Variants in KCNJ6 observed in about 807,000 individuals in gnomAD.
KCNJ6 encodes the protein G protein-activated inward rectifier potassium channel 2.
A neutral mutation model predicts 34.2 loss-of-function variants in KCNJ6; 9 were observed. That is an observed-to-expected ratio of 0.26 (90% CI 0.16 to 0.46). The LOEUF (loss-of-function observed/expected upper bound fraction) is 0.46, where lower values mean the gene tolerates loss of function less well. Ranked by LOEUF, KCNJ6 falls within the 20% of genes least tolerant of loss-of-function variation. The pLI is 1.00. For missense variants in KCNJ6, 236 were observed against 531.3 expected (o/e 0.44, Z 5.46); for synonymous variants, 196 against 207.1 (o/e 0.95, Z 0.46).
chr21:37,707,735 G>GTGTGTGTGTATATGTGTGTGC (rs1267356647), intron 3 of KCNJ6, among the ~76,000 whole-genome samples: 1 of 149,680 alleles, frequency 6.7e-6, no homozygotes, highest in African/African-American at 2.5e-5. Context: ...GTGTGTGTGT[G>GTGTGTGTGTATATGTGTGTGC]AATAATTTAC....
At chr21:37,814,896 C>CAAAAAA (rs3061049) in intron 2 of KCNJ6, among the ~76,000 whole-genome samples, 5 of 69,156 alleles carry the variant, frequency 7.2e-5, no homozygotes, top group African/African-American at 2.1e-4. Flanking sequence ...GACTCTGTCT[C>CAAAAAA]AAAAAAAAAA....
chr21:37,732,155 A>G (rs146110917), intron 2 of KCNJ6, among the ~76,000 whole-genome samples: 2 of 151,304 alleles, frequency 1.3e-5, no homozygotes, highest in African/African-American at 4.8e-5. Context: ...CAAGAACAAG[A>G]TCTCCCAGGG....
At chr21:37,738,886 A>T (rs1179758315) in intron 2 of KCNJ6, among the ~76,000 whole-genome samples, 3 of 152,228 alleles carry the variant, frequency 2.0e-5, no homozygotes, top group Non-Finnish European at 4.4e-5. Flanking sequence ...AAACAAAAAC[A>T]TCCTCTTTAA....
intron 3 of KCNJ6, among the ~76,000 whole-genome samples, chr21:37,633,758 C>T (rs892308843): frequency 6.6e-6 from 1 of 151,964 alleles, no homozygotes; most frequent in Admixed American, 6.6e-5. Context: ...AAATATAAAA[C>T]CTTTATGACA....
intron 3 of KCNJ6, among the ~76,000 whole-genome samples, chr21:37,664,047 T>C (rs1709817): frequency 3.9e-5 from 6 of 151,976 alleles, no homozygotes; most frequent in Admixed American, 3.3e-4. Context: ...AATTAAGAAG[T>C]CAGTAGCAAA....
chr21:37,898,603 A>T (rs928930554), intron 1 of KCNJ6, among the ~76,000 whole-genome samples: 2 of 151,252 alleles, frequency 1.3e-5, no homozygotes, highest in African/African-American at 2.4e-5. Flanking sequence ...AAAAAAAAAG[A>T]AAAAAAGAAA....
At chr21:37,720,422 G>C (rs1355365369) in intron 2 of KCNJ6, among the ~76,000 whole-genome samples, 1 of 152,160 alleles carries the variant, frequency 6.6e-6, no homozygotes, top group Non-Finnish European at 1.5e-5. Context: ...GAGAATGTAT[G>C]CAAGTTTGAG....
At chr21:37,903,946 G>A (rs2055829192) in intron 1 of KCNJ6, among the ~76,000 whole-genome samples, 1 of 152,192 alleles carries the variant, frequency 6.6e-6, no homozygotes, top group South Asian at 2.1e-4. Context: ...TATATTGGTA[G>A]AGAGTAACCA....
chr21:37,687,682 G>T (rs1373474111), intron 3 of KCNJ6, among the ~76,000 whole-genome samples: 1 of 151,908 alleles, frequency 6.6e-6, no homozygotes, highest in East Asian at 1.9e-4. Flanking sequence ...TTGCTGCTTT[G>T]GTCTCCTCTG....
In KCNJ6 at chr21:37,752,517, T is replaced by C. The variant is rs199750280; in HGVS notation, c.26-37386A>G. Among the ~76,000 whole-genome samples the C allele has an allele frequency of 6.1e-4, 93 of 151,980 alleles. 2 individuals carry two copies. The East Asian group carries it at 0.017, about 27-fold the overall frequency. On this transcript the variant is annotated intron_variant, in intron 2 of 3. Transcript: ENST00000609713. ...CAGAGGGAAGGCATTAAGCAGAAGC[T>C]TTTAAGGAGAGGGAAAGAGAGGAGA...
chr21:37,802,968 A>T (rs1375407618), intron 2 of KCNJ6, among the ~76,000 whole-genome samples: 4 of 152,058 alleles, frequency 2.6e-5, no homozygotes, highest in Non-Finnish European at 5.9e-5. Context: ...TTTCACTCAG[A>T]TCCTCCACTC....
intron 2 of KCNJ6, among the ~76,000 whole-genome samples, chr21:37,781,428 A>C (rs910335617): frequency 1.3e-5 from 2 of 152,128 alleles, no homozygotes; most frequent in South Asian, 2.1e-4. Context: ...CAGGAATCCT[A>C]GGAAGTGACT....
chr21:37,665,625 C>T (rs1169413170), intron 3 of KCNJ6, among the ~76,000 whole-genome samples: 1 of 152,148 alleles, frequency 6.6e-6, no homozygotes, highest in Non-Finnish European at 1.5e-5. Flanking sequence ...GGTGTGCCAA[C>T]CTTTCCTTCC....
At chr21:37,673,039 A>G (rs1418678050) in intron 3 of KCNJ6, among the ~76,000 whole-genome samples, 1 of 152,268 alleles carries the variant, frequency 6.6e-6, no homozygotes, top group Non-Finnish European at 1.5e-5. Flanking sequence ...TCTCCTTTTT[A>G]CATTATTCTC....
In KCNJ6 at chr21:37,620,490, G is replaced by A. The variant is rs2054286865; in HGVS notation, c.*4669C>T. The A allele has an allele frequency of 1.3e-5, 2 of 151,426 alleles. No individual in the cohort carries two copies. Among genetic ancestry groups the A allele is most frequent in the South Asian group, 4.2e-4 (2 of 4,812 alleles). The allele number at this position is 151,426 out of a possible 1,614,324, so 9.4% of individuals were successfully genotyped here. On this transcript the variant is annotated 3_prime_UTR_variant, in exon 4 of 4. Transcript: ENST00000609713. ...TTTTTTCCCCCAATTATTAAAAAATGTAAAAATTGCTCTTAGCTCACAAGT... is the reference window on the plus strand; with the variant it reads ...TTTTTTCCCCCAATTATTAAAAAATATAAAAATTGCTCTTAGCTCACAAGT...
chr21:37,654,453 T>C (rs1036967461), intron 3 of KCNJ6, among the ~76,000 whole-genome samples: 28 of 152,166 alleles, frequency 1.8e-4, no homozygotes, highest in South Asian at 6.2e-4. Flanking sequence ...CTAATAACTC[T>C]TCCCATATTG....
At chr21:37,673,673 A>T (rs2054551775) in intron 3 of KCNJ6, among the ~76,000 whole-genome samples, 1 of 152,194 alleles carries the variant, frequency 6.6e-6, no homozygotes, top group South Asian at 2.1e-4. Context: ...CAGCAGACAG[A>T]TGGGTATGTT....
chr21:37,612,882 C>T lies in KCNJ6; in HGVS notation c.*12277G>A, dbSNP rs766751123. The T allele has an allele frequency of 6.6e-6, 1 of 151,860 alleles. No homozygotes were observed. Among genetic ancestry groups the T allele is most frequent in the Non-Finnish European group, 1.5e-5 (1 of 67,958 alleles). 9.4% of individuals were successfully genotyped at this position (151,860 alleles called of 1,614,324 possible). On this transcript the variant is annotated 3_prime_UTR_variant, in exon 4 of 4. Coordinates refer to ENST00000609713, the MANE Select transcript of KCNJ6 (RefSeq NM_002240.5). The stretch of plus-strand genomic sequence containing the variant: ...AAAACTTAGATGACCTTGGATATGG[C>T]AATAGATTTTTAGATAGAACACCAA...
intron 3 of KCNJ6, among the ~76,000 whole-genome samples, chr21:37,686,621 T>C (rs902531721): frequency 6.6e-6 from 1 of 151,788 alleles, no homozygotes; most frequent in African/African-American, 2.4e-5. Context: ...GCACCCACCA[T>C]CATGCCTGGC....
Sources: gnomAD v4.1 joint callset for allele counts (sites outside exome capture counted in the v4.1 genomes callset) on GRCh38, gnomAD v4.1.1 for gene constraint, MANE v1.5 for transcripts, NCBI Gene and HGNC (gene_info 2026-07-23, HGNC 2026-07-21) for gene names.